Variants in C3orf52 observed in about 807,000 individuals in gnomAD.
C3orf52 encodes chromosome 3 open reading frame 52, also known as TPA-induced transmembrane protein.
Under a neutral mutation model 24.8 loss-of-function variants are expected in C3orf52, and 22 were observed. That is an observed-to-expected ratio of 0.89 (90% CI 0.63 to 1.27). The LOEUF (loss-of-function observed/expected upper bound fraction) is 1.27. Ranked by LOEUF, C3orf52 falls within the 50% of genes most tolerant of loss-of-function variation. The pLI is 0.00. For synonymous variants in C3orf52, 93 were observed against 100.2 expected, an observed-to-expected ratio of 0.93 and a Z score of 0.43; for missense variants, 265 against 260.7, an observed-to-expected ratio of 1.02 and a Z score of -0.11.
intron 4 of C3orf52, chr3:112,126,918 A>G: frequency 9.4e-7 from 1 of 1,066,204 alleles, no homozygotes; most frequent in Non-Finnish European, 1.5e-6. Flanking sequence ...CTTTGGGAAC[A>G]TAGAGAAGAA....
At chr3:112,112,866 C>T (rs778921650) in intron 4 of C3orf52, 98 bp from the exon 5 acceptor site, 1 of 908,852 alleles carries the variant, frequency 1.1e-6, no homozygotes, top group Non-Finnish European at 1.8e-6. Flanking sequence ...ACTGGAAGAA[C>T]ATGCAAAACT....
At chr3:112,108,133 A>G (rs1408272954) in intron 3 of C3orf52, among the ~76,000 whole-genome samples, 44 of 152,210 alleles carry the variant, frequency 2.9e-4, no homozygotes, top group Non-Finnish European at 6.5e-4. Context: ...AGTATCCAGA[A>G]TATAAAACTA....
At chr3:112,133,200 A>G, downstream of C3orf52, 1 of 1,510,352 alleles carries the variant, frequency 6.6e-7, no homozygotes, top group South Asian at 1.1e-5. Flanking sequence ...GCAACTCCTG[A>G]CTTAAAGAAA....
intron 4 of C3orf52, chr3:112,127,153 C>T (rs2074343149): frequency 1.6e-6 from 1 of 614,256 alleles, no homozygotes; most frequent in Non-Finnish European, 2.8e-6. Flanking sequence ...TATAATACCT[C>T]CTTCAGCATA....
chr3:112,126,858 T>C, intron 4 of C3orf52: 1 of 716,888 alleles, frequency 1.4e-6, no homozygotes, highest in Non-Finnish European at 2.5e-6. Context: ...TGCAATTGGA[T>C]ACAGTAAAGC....
chr3:112,094,410 T>C (rs898436930), intron 2 of C3orf52, among the ~76,000 whole-genome samples: 5 of 152,254 alleles, frequency 3.3e-5, no homozygotes, highest in African/African-American at 1.2e-4. Context: ...CATATATTAT[T>C]TCATGTTGTT....
In C3orf52 at chr3:112,086,563, C is replaced by G. The variant is rs1157321217; in HGVS notation, c.138+18C>G. 2 of 1,539,452 alleles carry G rather than the reference C, an allele frequency of 1.3e-6. No individual in the cohort carries two copies. Among genetic ancestry groups the G allele is most frequent in the African/African-American group, 2.8e-5 (2 of 71,330 alleles). ...CGGCCGAGGTAAGGTCCCCTTGGCGCTGGCCCTAACTTGCCGGCGGCGGGA... is the reference window on the plus strand; with the variant it reads ...CGGCCGAGGTAAGGTCCCCTTGGCGGTGGCCCTAACTTGCCGGCGGCGGGA... On this transcript the variant is annotated intron_variant, in intron 1 of 5. Coordinates refer to ENST00000264848, the MANE Select transcript of C3orf52 (RefSeq NM_024616.3).
rs946358163 is a variant in C3orf52, at chr3:112,116,851, G to A, written c.*205G>A. The A allele has an allele frequency of 1.3e-6, 2 of 1,537,482 alleles. No homozygotes were observed. The highest frequency in any genetic ancestry group is 1.7e-6 in the Non-Finnish European group (2 of 1,146,910). ...AGCTCCCGAGCACTGCTTCAGCTGGGTCCAGTCTTGACAAAGGCAGGAAGC... is the reference window on the plus strand; with the variant it reads ...AGCTCCCGAGCACTGCTTCAGCTGGATCCAGTCTTGACAAAGGCAGGAAGC... On this transcript the variant is annotated 3_prime_UTR_variant, in exon 6 of 6. Transcript: ENST00000264848.
At chr3:112,123,328 TCTGC>T in intron 4 of C3orf52, 6 of 1,486,198 alleles carry the variant, frequency 4.0e-6, no homozygotes, top group Non-Finnish European at 5.3e-6. Context: ...CAAACCATGC[TCTGC>T]AGGGAAAGGG....
chr3:112,102,431 C>A (rs540411422), intron 2 of C3orf52, among the ~76,000 whole-genome samples: 2 of 146,266 alleles, frequency 1.4e-5, no homozygotes, highest in Non-Finnish European at 3.0e-5. Flanking sequence ...TTGACCTGAA[C>A]AATTCCTGCA....
chr3:112,086,949 C>T (rs950883396), intron 1 of C3orf52, among the ~76,000 whole-genome samples: 1 of 152,138 alleles, frequency 6.6e-6, no homozygotes, highest in African/African-American at 2.4e-5. Context: ...TCTCTTCTGT[C>T]CTCCTCTTAC....
intron 2 of C3orf52, among the ~76,000 whole-genome samples, chr3:112,095,866 T>A (rs530526709): frequency 1.3e-5 from 2 of 152,174 alleles, no homozygotes; most frequent in East Asian, 3.9e-4. Flanking sequence ...CCTAGAGCAG[T>A]TCCGTAGGCA....
intron 2 of C3orf52, among the ~76,000 whole-genome samples, chr3:112,099,368 T>C (rs2073952640): frequency 1.3e-5 from 2 of 152,198 alleles, no homozygotes. Flanking sequence ...TCCCAATTTG[T>C]TCATCTTTTC....
chr3:112,116,976 C>T lies in C3orf52; in HGVS notation c.*330C>T. On this transcript the variant is annotated 3_prime_UTR_variant, in exon 6 of 6. Coordinates refer to ENST00000264848, the MANE Select transcript of C3orf52 (RefSeq NM_024616.3). ...TTTTGTTTCGTTTTGTTTTTTGAGACAGGGTCTCGTTCTGTCGCTTAGCTG... is the reference window on the plus strand; with the variant it reads ...TTTTGTTTCGTTTTGTTTTTTGAGATAGGGTCTCGTTCTGTCGCTTAGCTG... 6.7e-7 allele frequency: 1 copy of T among 1,503,328 alleles called. No individual in the cohort carries two copies. The highest frequency in any genetic ancestry group is 8.9e-7 in the Non-Finnish European group (1 of 1,120,238). 93.1% of individuals were successfully genotyped at this position (1,503,328 alleles called of 1,614,324 possible).
chr3:112,114,531 C>G (rs2074116592), intron 5 of C3orf52, among the ~76,000 whole-genome samples: 1 of 152,000 alleles, frequency 6.6e-6, no homozygotes, highest in African/African-American at 2.4e-5. Context: ...TGGTGAAACC[C>G]CATCTCTACT....
chr3:112,112,325 T>C (rs2074090985), intron 4 of C3orf52: 1 of 152,864 alleles, frequency 6.5e-6, no homozygotes, highest in African/African-American at 2.4e-5. Flanking sequence ...CAGGGCTTGG[T>C]TATCTTGCCC....
downstream of C3orf52, chr3:112,123,034 T>G (rs2074229493): frequency 5.0e-6 from 1 of 200,878 alleles, no homozygotes; most frequent in Non-Finnish European, 1.0e-5. Flanking sequence ...AAGGTCACAG[T>G]AATGAGTGAA....
chr3:112,123,292 T>C (rs1576157940), intron 4 of C3orf52: 2 of 1,360,352 alleles, frequency 1.5e-6, no homozygotes, highest in East Asian at 5.0e-5. Context: ...TTTTGGCTTT[T>C]GCGTGCTAAG....
chr3:112,133,102 T>C, downstream of C3orf52: 1 of 1,613,890 alleles, frequency 6.2e-7, no homozygotes, highest in Non-Finnish European at 8.5e-7. Context: ...CTGTTTTCTC[T>C]CAGCAGAGAA....
Sources: gnomAD v4.1 joint callset for allele counts (sites outside exome capture counted in the v4.1 genomes callset) on GRCh38, gnomAD v4.1.1 for gene constraint, MANE v1.5 for transcripts, NCBI Gene and HGNC (gene_info 2026-07-23, HGNC 2026-07-21) for gene names.